ZNF562: variants seen among roughly 807,000 people sequenced by gnomAD.
ZNF562 encodes zinc finger protein 562.
ZNF562 carries 13 observed loss-of-function variants against 17.5 expected under a neutral mutation model. The observed-to-expected ratio is 0.74, with a 90% confidence interval of 0.48 to 1.18. The LOEUF is 1.18. Among genes scored for constraint, ZNF562 ranks in the 50% most tolerant of loss-of-function variants. The pLI is 0.00. For missense variants in ZNF562, 481 were observed against 498.5 expected, an observed-to-expected ratio of 0.96 and a Z score of 0.33; for synonymous variants, 163 against 165.4, an observed-to-expected ratio of 0.99 and a Z score of 0.11.
At chr19:9,656,443 A>C in intron 5 of ZNF562, 104 bp downstream of exon 5, 1 of 1,239,726 alleles carries the variant, frequency 8.1e-7, no homozygotes, top group Non-Finnish European at 1.2e-6. Flanking sequence ...TGGGAGTTGG[A>C]GGTTGCGGTG....
chr19:9,656,694 C>T (rs1185599530), intron 4 of ZNF562, 41 bp from the exon 5 acceptor site: 10 of 1,583,000 alleles, frequency 6.3e-6, no homozygotes, highest in Non-Finnish European at 8.7e-6. Flanking sequence ...TAAAATTAGT[C>T]ATTTGTCCTT....
chr19:9,653,780 C>T lies in ZNF562; in HGVS notation c.450G>A (p.Gly150=). The T allele has an allele frequency of 6.2e-7, 1 of 1,614,054 alleles. No homozygotes were observed. Among genetic ancestry groups the T allele is most frequent in the Non-Finnish European group, 8.5e-7 (1 of 1,179,970 alleles). The change falls in exon 6 of 6, where the codon GGG becomes GGA. Residue 150 remains glycine, a synonymous_variant. Transcript: ENST00000453372. ...CATAACAATTACCCTCAAAAGTGTT[C>T]CCTCCATTCTGAGCTCTCATGTGTG... ...LKTHMRAQNG[G]NTFEGNCYGK...
At chr19:9,662,549 G>A (rs1213322994) in intron 1 of ZNF562, among the ~76,000 whole-genome samples, 7 of 149,478 alleles carry the variant, frequency 4.7e-5, no homozygotes, top group East Asian at 2.0e-4. Context: ...GTGACAGAGC[G>A]AGACTCCATC....
rs896555854 is a variant in ZNF562, at chr19:9,660,635, G to A, written c.25+85C>T. 3 of 1,378,514 alleles carry A rather than the reference G, an allele frequency of 2.2e-6. No individual in the cohort carries two copies. The South Asian group carries it at 4.0e-5, about 18-fold the overall frequency. 85.4% of individuals were successfully genotyped at this position (1,378,514 alleles called of 1,614,324 possible). The stretch of plus-strand genomic sequence containing the variant: ...GAAAAAAAAAAAAAGCAGCATGCCT[G>A]TTCAGGCCCAGCTCACTGGACTCTT... On this transcript the variant is annotated intron_variant, in intron 2 of 5. Transcript: ENST00000453372.
At chr19:9,658,524 A>G (rs1252325620) in intron 3 of ZNF562, among the ~76,000 whole-genome samples, 1 of 151,744 alleles carries the variant, frequency 6.6e-6, no homozygotes, top group Non-Finnish European at 1.5e-5. Context: ...TAATTTTTGT[A>G]TTTTTAGTAG....
chr19:9,670,890 G>A (rs192909008), intron 1 of ZNF562, among the ~76,000 whole-genome samples: 50 of 151,968 alleles, frequency 3.3e-4, no homozygotes, highest in Admixed American at 6.6e-4. Flanking sequence ...CTAGCTACTC[G>A]GGAGGCTGAG....
At chr19:9,659,281 T>A (rs536434437) in intron 3 of ZNF562, 98 bp downstream of exon 3, 3 of 1,130,980 alleles carry the variant, frequency 2.7e-6, no homozygotes, top group East Asian at 2.6e-5. Flanking sequence ...CTTCATTTGC[T>A]CTAAGAAAAC....
intron 1 of ZNF562, among the ~76,000 whole-genome samples, chr19:9,673,796 A>T (rs1259767407): frequency 6.6e-6 from 1 of 152,106 alleles, no homozygotes; most frequent in East Asian, 1.9e-4. Flanking sequence ...ACTTGAGGTC[A>T]GGAGTTCGAG....
chr19:9,659,285 A>C (rs562427101), intron 3 of ZNF562, 94 bp downstream of exon 3: 11 of 1,187,036 alleles, frequency 9.3e-6, no homozygotes, highest in Admixed American at 2.3e-5. Context: ...ATTTGCTCTA[A>C]GAAAACTCTG....
intron 5 of ZNF562, among the ~76,000 whole-genome samples, 175 bp downstream of exon 5, chr19:9,656,372 G>C (rs1199208256): frequency 6.6e-6 from 1 of 152,014 alleles, no homozygotes; most frequent in African/African-American, 2.4e-5. Flanking sequence ...AGCTGGGCAT[G>C]GTGGTGGGTG....
chr19:9,657,701 C>A (rs943545944), intron 4 of ZNF562, among the ~76,000 whole-genome samples: 2 of 151,874 alleles, frequency 1.3e-5, no homozygotes, highest in African/African-American at 4.8e-5. Flanking sequence ...CATGTGCCAC[C>A]ATGCCTGGCT....
chr19:9,659,876 G>A (rs770037194), intron 2 of ZNF562, among the ~76,000 whole-genome samples: 6 of 129,860 alleles, frequency 4.6e-5, no homozygotes, highest in East Asian at 2.7e-4. Context: ...CAAATCACTC[G>A]AGGTCAGGCA....
At chr19:9,660,053 C>T (rs2043677489) in intron 2 of ZNF562, among the ~76,000 whole-genome samples, 1 of 118,310 alleles carries the variant, frequency 8.5e-6, no homozygotes, top group Non-Finnish European at 1.6e-5. Context: ...CATGCAACTG[C>T]ACTTCAGCCT....
intron 1 of ZNF562, among the ~76,000 whole-genome samples, chr19:9,671,019 G>A (rs1245178462): frequency 6.6e-6 from 1 of 151,340 alleles, no homozygotes; most frequent in Non-Finnish European, 1.5e-5. Flanking sequence ...AAAAAAAGAG[G>A]TTGATTCATC....
rs765881054 is a variant in ZNF562 at position 9,658,031 on chromosome 19, G to A, written c.219C>T (p.Asn73=). ...TACCCACAGAGGCCAGGTTCATGTA[G>A]TTCTCCAGCATCACATCTCTGTAGA... ...KYLYRDVMLE[N]YMNLASVDFF... Residue 73 remains asparagine (N), a synonymous_variant, in exon 4 of 6, where the codon AAC becomes AAT. Coordinates refer to ENST00000453372, the MANE Select transcript of ZNF562 (RefSeq NM_001130031.2). The A allele has an allele frequency of 6.2e-7, 1 of 1,613,170 alleles. No individual in the cohort carries two copies. Among genetic ancestry groups the A allele is most frequent in the Non-Finnish European group, 8.5e-7 (1 of 1,179,496 alleles).
Position 9,651,343 on chromosome 19 carries a change from G to C in ZNF562, c.*1606C>G, listed in dbSNP as rs1239745042. ...ATTCTAGCATTTTACGGAAGGTAGA[G>C]CTTGAGACAGATAAAATGGTATGTA... is the stretch of plus-strand genomic sequence containing the variant. On this transcript the variant is annotated 3_prime_UTR_variant, in exon 6 of 6. Transcript: ENST00000453372. 3 of 152,182 alleles carry C rather than the reference G, an allele frequency of 2.0e-5. No homozygotes were observed. Among genetic ancestry groups the C allele is most frequent in the Non-Finnish European group, 2.9e-5 (2 of 68,042 alleles). The allele number at this position is 152,182 out of a possible 1,614,324, so 9.4% of individuals were successfully genotyped here. A position where few individuals can be genotyped will look rare whatever the true frequency, so the allele number is the denominator to read the frequency against.
chr19:9,659,342 G>T (rs1315186201), intron 3 of ZNF562, 37 bp downstream of exon 3: 3 of 1,511,170 alleles, frequency 2.0e-6, no homozygotes, highest in Non-Finnish European at 9.0e-7. Flanking sequence ...TTGGATGTAA[G>T]TATGTCATTT....
rs2074879353 is a variant in ZNF562, at chr19:9,652,339, C to T, written c.*610G>A. On this transcript the variant is annotated 3_prime_UTR_variant, in exon 6 of 6. Transcript: ENST00000453372. ...CACTCCTGACATGCTCTGCAGGATC[C>T]ATGGGAACAGAAGAGAACCTTGGAG... The T allele has an allele frequency of 2.0e-5, 3 of 152,316 alleles. No individual in the cohort carries two copies. The highest frequency in any genetic ancestry group is 2.0e-4 in the Admixed American group (3 of 15,296). 9.4% of individuals were successfully genotyped at this position (152,316 alleles called of 1,614,324 possible).
Position 9,660,749 on chromosome 19 carries a change from T to A in ZNF562, c.-5A>T, listed in dbSNP as rs2043705743. ...GGACATATCAAAGGCTGACATCCTC[T>A]GAAGCTGATGGTGAGATGTGCCTCA... On this transcript the variant is annotated 5_prime_UTR_variant, in exon 2 of 6. Coordinates refer to ENST00000453372, the MANE Select transcript of ZNF562 (RefSeq NM_001130031.2). The A allele has an allele frequency of 6.2e-7, 1 of 1,613,584 alleles. No homozygotes were observed. The highest frequency in any genetic ancestry group is 8.5e-7 in the Non-Finnish European group (1 of 1,179,718).
Sources: allele counts gnomAD v4.1 joint callset (sites outside exome capture counted in the v4.1 genomes callset), GRCh38; gene constraint gnomAD v4.1.1; transcripts MANE v1.5; gene names NCBI Gene and HGNC (gene_info 2026-07-23, HGNC 2026-07-21).